NPAS3: variants seen among roughly 807,000 people sequenced by gnomAD.
NPAS3 encodes neuronal PAS domain protein 3.
Under a neutral mutation model 73.1 loss-of-function variants are expected in NPAS3, and 14 were observed. The ratio of observed to expected loss-of-function variants is 0.19; its 90% CI spans 0.13 to 0.30. The LOEUF (loss-of-function observed/expected upper bound fraction) is 0.30. Ranked by LOEUF, NPAS3 falls within the 10% of genes least tolerant of loss-of-function variation. The pLI, the probability that NPAS3 is intolerant of heterozygous loss-of-function variation, is 1.00. For missense variants in NPAS3, 1,096 were observed against 1,250.0 expected (o/e 0.88, Z 1.86); for synonymous variants, 620 against 541.5 (o/e 1.14, Z -2.01).
chr14:33,735,289 C>A (rs1306369811), exon 7 of NPAS3: 1 of 1,613,674 alleles, frequency 6.2e-7, no homozygotes, highest in Admixed American at 1.7e-5. Context: ...ATGAAATCTA[C>A]TCTGACCAAA....
intron 2 of NPAS3, among the ~76,000 whole-genome samples, chr14:33,184,148 T>C (rs183360386): frequency 1.7e-3 from 257 of 152,284 alleles, no homozygotes; most frequent in African/African-American, 5.7e-3. Context: ...CTTTGAGCTT[T>C]CTGTGATTGG....
chr14:33,275,831 C>T lies in NPAS3; in HGVS notation c.385+60405C>T, dbSNP rs577191386. On this transcript the variant is annotated intron_variant, in intron 3 of 11. Transcript: ENST00000356141. ...CAGCAAAGGCCAACTCTTTTCAAAA[C>T]ATAATTTCACAAATCTAATTTTTAA... Among the ~76,000 whole-genome samples, 133 of 152,314 alleles carry T rather than the reference C, an allele frequency of 8.7e-4. 1 individual carries two copies. The highest frequency in any genetic ancestry group is 3.2e-3 in the African/African-American group (131 of 41,584).
At chr14:33,151,749 A>G (rs2044452431) in intron 2 of NPAS3, among the ~76,000 whole-genome samples, 1 of 152,154 alleles carries the variant, frequency 6.6e-6, no homozygotes, top group Non-Finnish European at 1.5e-5. Flanking sequence ...AGGTGAGAGG[A>G]TATGTTCCTT....
At chr14:33,519,776 C>T (rs564059311) in intron 4 of NPAS3, among the ~76,000 whole-genome samples, 5 of 152,064 alleles carry the variant, frequency 3.3e-5, no homozygotes, top group Non-Finnish European at 5.9e-5. Flanking sequence ...TTAAGCAGAC[C>T]GTACATTTTA....
intron 6 of NPAS3, among the ~76,000 whole-genome samples, chr14:33,725,137 A>G (rs1469177725): frequency 6.6e-6 from 1 of 152,168 alleles, no homozygotes; most frequent in Non-Finnish European, 1.5e-5. Context: ...ACAATGTCTA[A>G]TAAAAGTATG....
At chr14:33,358,202 G>A (rs2045426209) in intron 3 of NPAS3, among the ~76,000 whole-genome samples, 1 of 152,334 alleles carries the variant, frequency 6.6e-6, no homozygotes, top group Middle Eastern at 3.4e-3. Context: ...CGATGCAGGT[G>A]TGCACGTCAG....
At chr14:33,740,486 A>G (rs898199705) in intron 7 of NPAS3, among the ~76,000 whole-genome samples, 1 of 152,206 alleles carries the variant, frequency 6.6e-6, no homozygotes. Flanking sequence ...TTTCCGATAT[A>G]CCAATGAAAA....
At chr14:33,543,304 C>T (rs146729680) in intron 4 of NPAS3, among the ~76,000 whole-genome samples, 7 of 152,210 alleles carry the variant, frequency 4.6e-5, no homozygotes, top group African/African-American at 1.7e-4. Context: ...CAGTATAAAC[C>T]CATTATACTG....
chr14:33,113,317 ATTTG>A (rs1359070614), intron 2 of NPAS3, among the ~76,000 whole-genome samples: 1 of 152,090 alleles, frequency 6.6e-6, no homozygotes, highest in African/African-American at 2.4e-5. Context: ...ATGTTCTTCC[ATTTG>A]TTTGTGTCCT....
Position 33,568,562 on chromosome 14 carries a change from C to G in NPAS3, c.558+8352C>G, listed in dbSNP as rs77696473. Among the ~76,000 whole-genome samples, 272 of 152,244 alleles carry G rather than the reference C, an allele frequency of 1.8e-3. 5 individuals are homozygous for G. The East Asian group carries it at 0.047, about 26-fold the overall frequency. The stretch of plus-strand genomic sequence containing the variant: ...ACCCTATAAGAATGATGAGTGAATG[C>G]AAACTGCTCATATGAAGAAAAAGAA... On this transcript the variant is annotated intron_variant, in intron 5 of 11. Coordinates refer to ENST00000356141, the Ensembl canonical transcript of NPAS3.
chr14:33,482,392 A>C (rs372889222), intron 4 of NPAS3, among the ~76,000 whole-genome samples: 4 of 152,242 alleles, frequency 2.6e-5, no homozygotes, highest in Middle Eastern at 3.4e-3. Flanking sequence ...TATACACTTC[A>C]GCTTTATTCC....
At chr14:33,471,852 C>T (rs967350502) in intron 4 of NPAS3, among the ~76,000 whole-genome samples, 2 of 152,198 alleles carry the variant, frequency 1.3e-5, no homozygotes, top group Non-Finnish European at 2.9e-5. Context: ...GAAGCTTCAT[C>T]TGTATTTACA....
chr14:32,981,004 T>C (rs1417935818), intron 1 of NPAS3, among the ~76,000 whole-genome samples: 1 of 152,148 alleles, frequency 6.6e-6, no homozygotes, highest in East Asian at 1.9e-4. Context: ...CTCAGCACTG[T>C]GACCTCCAGT....
At chr14:33,627,958 AC>A (rs2058268613) in intron 5 of NPAS3, among the ~76,000 whole-genome samples, 1 of 152,178 alleles carries the variant, frequency 6.6e-6, no homozygotes, top group South Asian at 2.1e-4. Context: ...CAGAGACTCG[AC>A]CCAAAAATGC....
At chr14:33,559,353 T>C (rs1424134460) in intron 4 of NPAS3, among the ~76,000 whole-genome samples, 1 of 152,230 alleles carries the variant, frequency 6.6e-6, no homozygotes, top group Non-Finnish European at 1.5e-5. Context: ...GAAGGCATAA[T>C]TCCTTATTAA....
At chr14:33,790,704 T>C (rs529099988) in intron 9 of NPAS3, among the ~76,000 whole-genome samples, 4 of 152,384 alleles carry the variant, frequency 2.6e-5, no homozygotes, top group African/African-American at 9.6e-5. Context: ...AGTCTCGCTT[T>C]GTCACCCAGG....
chr14:33,446,276 C>T (rs1008430374), intron 4 of NPAS3, among the ~76,000 whole-genome samples: 10 of 150,002 alleles, frequency 6.7e-5, no homozygotes, highest in South Asian at 2.1e-4. Context: ...CCCGGGTTCA[C>T]GCCATTCTCC....
chr14:33,787,296 T>A (rs1275491681), intron 9 of NPAS3, among the ~76,000 whole-genome samples: 1 of 152,344 alleles, frequency 6.6e-6, no homozygotes, highest in East Asian at 1.9e-4. Context: ...GGGAATTTAT[T>A]TTTTAAGCTT....
chr14:33,786,924 C>T (rs904951131), intron 9 of NPAS3, among the ~76,000 whole-genome samples: 1 of 150,206 alleles, frequency 6.7e-6, no homozygotes, highest in Non-Finnish European at 1.5e-5. Flanking sequence ...GTGACTAGCA[C>T]AGAGTAGGCA....
Sources: allele counts gnomAD v4.1 joint callset (sites outside exome capture counted in the v4.1 genomes callset), GRCh38; gene constraint gnomAD v4.1.1; transcripts MANE v1.5; gene names NCBI Gene and HGNC (gene_info 2026-07-23, HGNC 2026-07-21).